SBF2: variants seen among roughly 807,000 people sequenced by gnomAD.
SBF2 encodes SET binding factor 2.
A neutral mutation model predicts 225.2 loss-of-function variants in SBF2; 112 were observed. The observed-to-expected ratio is 0.50, with a 90% confidence interval of 0.43 to 0.58. SBF2 has a LOEUF of 0.58. Among genes scored for constraint, SBF2 ranks in the 20% least tolerant of loss-of-function variants. The pLI is 0.00. For synonymous variants in SBF2, 763 were observed against 773.3 expected (o/e 0.99, Z 0.22); for missense variants, 1,996 against 2,206.2 (o/e 0.90, Z 1.91).
chr11:10,146,793 A>G (rs1954907893), intron 2 of SBF2, among the ~76,000 whole-genome samples: 1 of 152,178 alleles, frequency 6.6e-6, no homozygotes, highest in Non-Finnish European at 1.5e-5. Context: ...CAACCTACAG[A>G]ATGGGAGAAA....
intron 1 of SBF2, among the ~76,000 whole-genome samples, chr11:10,196,866 A>ATATATATATATTTTT: frequency 1.2e-4 from 12 of 99,316 alleles, no homozygotes; most frequent in African/African-American, 2.8e-4. Flanking sequence ...ATATATATAT[A>ATATATATATATTTTT]TTTTTTTTTT....
intron 2 of SBF2, among the ~76,000 whole-genome samples, chr11:10,130,500 C>T (rs929519095): frequency 2.6e-5 from 4 of 152,128 alleles, no homozygotes; most frequent in Non-Finnish European, 5.9e-5. Context: ...GTACTCTTTA[C>T]TCAGTTCCCC....
In SBF2 at chr11:10,055,524, TACACACACACACACAC is replaced by T. The variant is rs3993326; in HGVS notation, c.142-12559_142-12544del. ...ACAGATGAGTAAATAAAGAAAATGA[TACACACACACACACAC>T]ACACACACACACACACACACACACA... On this transcript the variant is annotated intron_variant, in intron 2 of 39. Transcript: ENST00000256190. 3.3e-4 allele frequency among the ~76,000 whole-genome samples: 44 copies of T among 133,852 alleles called. 1 individual carries two copies. Among genetic ancestry groups the T allele is most frequent in the Middle Eastern group, 3.6e-3 (1 of 278 alleles). The allele number at this position is 133,852 out of a possible 152,430, so 87.8% of individuals were successfully genotyped here.
intron 2 of SBF2, among the ~76,000 whole-genome samples, chr11:10,173,074 A>G (rs954744277): frequency 6.6e-6 from 1 of 152,244 alleles, no homozygotes; most frequent in Non-Finnish European, 1.5e-5. Flanking sequence ...ATTGATGTCT[A>G]GTTCTATTCT....
rs1964592603 is a variant in SBF2 at position 10,300,820 on chromosome 11, T to TG, written n.386+3671_386+3672insC. On this transcript the variant is annotated intron_variant and non_coding_transcript_variant, in intron 1 of 5. Coordinates refer to the SBF2 transcript ENST00000685217. ...TCTCTTCTCTCTCTCTCTTTTTTTTTTTTTTTCTTTGTAGGGATGGATTTT... is the reference window on the plus strand; with the variant it reads ...TCTCTTCTCTCTCTCTCTTTTTTTTTGTTTTTTCTTTGTAGGGATGGATTTT... Among the ~76,000 whole-genome samples, 4 of 151,898 alleles carry TG rather than the reference T, an allele frequency of 2.6e-5. No individual in the cohort carries two copies. The South Asian group carries it at 8.3e-4, about 32-fold the overall frequency.
In SBF2 at chr11:10,091,642, C is replaced by T. The variant is rs73412813; in HGVS notation, c.142-48661G>A. On this transcript the variant is annotated intron_variant, in intron 2 of 39. Coordinates refer to ENST00000256190, the MANE Select transcript of SBF2 (RefSeq NM_030962.4). Reference sequence around the variant, plus strand: ...ACAGATAATTTTGGGGGTAGGGAGGCTGCATAGAGGAGGAACTGTATCTCA... The same window carrying T: ...ACAGATAATTTTGGGGGTAGGGAGGTTGCATAGAGGAGGAACTGTATCTCA... 9.0e-3 allele frequency among the ~76,000 whole-genome samples: 1,372 copies of T among 152,178 alleles called. 25 individuals carry two copies. The highest frequency in any genetic ancestry group is 0.031 in the African/African-American group (1,284 of 41,528).
At chr11:9,916,884 C>T (rs1252755540) in intron 16 of SBF2, among the ~76,000 whole-genome samples, 1 of 151,800 alleles carries the variant, frequency 6.6e-6, no homozygotes, top group African/African-American at 2.4e-5. Context: ...ATGCCTGACC[C>T]TGAACTTGTT....
intron 9 of SBF2, among the ~76,000 whole-genome samples, chr11:9,994,441 C>G: frequency 6.7e-6 from 1 of 149,574 alleles, no homozygotes; most frequent in Non-Finnish European, 1.5e-5. Flanking sequence ...CGCCACTGCA[C>G]TCCAGCCTGG....
chr11:9,862,401 C>T (rs1020750207), intron 17 of SBF2, among the ~76,000 whole-genome samples: 7 of 152,044 alleles, frequency 4.6e-5, no homozygotes, highest in Non-Finnish European at 7.4e-5. Context: ...TCAGCTTGGG[C>T]TAGAAAGTGG....
At chr11:10,251,286 T>C (rs1960322532) in intron 1 of SBF2, among the ~76,000 whole-genome samples, 1 of 152,184 alleles carries the variant, frequency 6.6e-6, no homozygotes, top group African/African-American at 2.4e-5. Context: ...AGGACATCAT[T>C]TGTTAGATCC....
chr11:9,948,138 T>C (rs1000224329), intron 16 of SBF2, among the ~76,000 whole-genome samples: 9 of 151,716 alleles, frequency 5.9e-5, no homozygotes, highest in African/African-American at 2.2e-4. Flanking sequence ...CATGCTACAA[T>C]ATTATGTTAA....
Position 9,778,921 on chromosome 11 carries a change from C to T in SBF2, c.*1497G>A, listed in dbSNP as rs1352550560. ...CAAATAGCTGAAGGTACAATGGGCT[C>T]CATATTTTACAAAGTACAAAAAATT... On this transcript the variant is annotated 3_prime_UTR_variant, in exon 40 of 40. Coordinates refer to ENST00000256190, the MANE Select transcript of SBF2 (RefSeq NM_030962.4). The T allele has an allele frequency of 2.0e-5, 3 of 152,544 alleles. No homozygotes were observed. Among genetic ancestry groups the T allele is most frequent in the Non-Finnish European group, 4.4e-5 (3 of 68,016 alleles). 9.4% of individuals were successfully genotyped at this position (152,544 alleles called of 1,614,324 possible).
At position 10,196,857 on chromosome 11, in the gene SBF2, TATATATA is replaced by T. The variant is rs1180505596; in HGVS notation, c.56-2877_56-2871del. Among the ~76,000 whole-genome samples the T allele has an allele frequency of 4.4e-3, 145 of 33,038 alleles. 3 individuals are homozygous for T. Among genetic ancestry groups the T allele is most frequent in the Middle Eastern group, 0.036 (2 of 56 alleles). 21.7% of individuals were successfully genotyped at this position (33,038 alleles called of 152,430 possible). A position where few individuals can be genotyped will look rare whatever the true frequency, so the allele number is the denominator to read the frequency against. On this transcript the variant is annotated intron_variant, in intron 1 of 39. Transcript: ENST00000256190. Reference sequence around the variant, plus strand: ...GCATAAATATATATATATATATATATATATATATATTTTTTTTTTCCTACAAAATGAA... The same window carrying T: ...GCATAAATATATATATATATATATATTATTTTTTTTTTCCTACAAAATGAA...
At chr11:9,999,329 G>T (rs570765532) in intron 8 of SBF2, among the ~76,000 whole-genome samples, 19 of 131,712 alleles carry the variant, frequency 1.4e-4, no homozygotes, top group Admixed American at 3.1e-4. Context: ...ATGTATGTAT[G>T]TATTTATTTT....
chr11:9,885,637 A>T (rs1214108972), intron 17 of SBF2, among the ~76,000 whole-genome samples: 2 of 152,300 alleles, frequency 1.3e-5, no homozygotes, highest in East Asian at 3.9e-4. Flanking sequence ...TATATTCTAT[A>T]CATGGTGATA....
At chr11:10,265,033 A>G (rs1475992135) in intron 1 of SBF2, among the ~76,000 whole-genome samples, 1 of 152,200 alleles carries the variant, frequency 6.6e-6, no homozygotes. Flanking sequence ...GTAGTGTCGC[A>G]GTAAACATAC....
intron 2 of SBF2, among the ~76,000 whole-genome samples, chr11:10,155,417 T>G (rs1181441181): frequency 6.6e-6 from 1 of 152,188 alleles, no homozygotes; most frequent in Non-Finnish European, 1.5e-5. Context: ...GTATGAGGCC[T>G]CCCTGGTTCA....
At chr11:9,784,578 A>T (rs1852248541) in intron 37 of SBF2, 140 bp from the exon 38 acceptor site, 3 of 704,238 alleles carry the variant, frequency 4.3e-6, no homozygotes, top group Non-Finnish European at 7.5e-6. Context: ...TTCTCCCTGG[A>T]TTTTTTCTGC....
At chr11:10,293,913 G>T in intron 1 of SBF2, 102 bp downstream of exon 1, 3 of 748,888 alleles carry the variant, frequency 4.0e-6, no homozygotes, top group Non-Finnish European at 5.3e-6. Context: ...ACTCGGCCTG[G>T]CCCTCCCCGA....
Sources: gnomAD v4.1 joint callset for allele counts (sites outside exome capture counted in the v4.1 genomes callset) on GRCh38, gnomAD v4.1.1 for gene constraint, MANE v1.5 for transcripts, NCBI Gene and HGNC (gene_info 2026-07-23, HGNC 2026-07-21) for gene names.